CFDP1: variants seen among roughly 807,000 people sequenced by gnomAD.
CFDP1 encodes heterochromatin-stabilizing protein CFDP1.
A neutral mutation model predicts 40.1 loss-of-function variants in CFDP1; 31 were observed. That is an observed-to-expected ratio of 0.77 (90% confidence interval 0.58 to 1.04). The LOEUF (loss-of-function observed/expected upper bound fraction) is 1.04, where lower values mean the gene tolerates loss of function less well. Among genes scored for constraint, CFDP1 ranks in the 50% least tolerant of loss-of-function variants. The pLI is 0.00. For missense variants in CFDP1, 423 were observed against 343.4 expected (o/e 1.23, Z -1.83); for synonymous variants, 167 against 120.0 (o/e 1.39, Z -2.56).
At chr16:75,346,835 A>C (rs1454305105) in intron 5 of CFDP1, among the ~76,000 whole-genome samples, 1 of 151,958 alleles carries the variant, frequency 6.6e-6, no homozygotes, top group African/African-American at 2.4e-5. Context: ...TGCCTAATCA[A>C]AACTCGAAAA....
intron 5 of CFDP1, among the ~76,000 whole-genome samples, chr16:75,311,752 T>C (rs1055176023): frequency 1.3e-5 from 2 of 149,616 alleles, no homozygotes; most frequent in African/African-American, 4.9e-5. Context: ...GCTTACAATG[T>C]AGGAATGGAC....
intron 5 of CFDP1, among the ~76,000 whole-genome samples, chr16:75,371,459 G>T (rs2078750783): frequency 6.6e-6 from 1 of 152,098 alleles, no homozygotes; most frequent in Non-Finnish European, 1.5e-5. Flanking sequence ...AATGGGGGGC[G>T]AGGTTAAAAA....
At chr16:75,333,485 G>C (rs887239020) in intron 5 of CFDP1, among the ~76,000 whole-genome samples, 7 of 152,074 alleles carry the variant, frequency 4.6e-5, no homozygotes, top group African/African-American at 1.7e-4. Flanking sequence ...TGGCTACTAA[G>C]TCAACAAAAA....
At chr16:75,383,024 T>C (rs574478973) in intron 5 of CFDP1, among the ~76,000 whole-genome samples, 15 of 152,384 alleles carry the variant, frequency 9.8e-5, no homozygotes, top group African/African-American at 3.6e-4. Flanking sequence ...TTATGTTTTA[T>C]GGTCTTAAGC....
intron 5 of CFDP1, among the ~76,000 whole-genome samples, chr16:75,335,074 C>T (rs1243080168): frequency 1.3e-5 from 2 of 152,090 alleles, no homozygotes; most frequent in Non-Finnish European, 2.9e-5. Flanking sequence ...GCTCATGTAC[C>T]CCTAAAATTA....
chr16:75,342,505 G>A (rs1488585290), intron 5 of CFDP1, among the ~76,000 whole-genome samples: 2 of 152,160 alleles, frequency 1.3e-5, no homozygotes, highest in Non-Finnish European at 2.9e-5. Flanking sequence ...AACAAAAGGG[G>A]CAGGTAGTAA....
intron 5 of CFDP1, among the ~76,000 whole-genome samples, chr16:75,317,349 C>T (rs759429655): frequency 2.0e-5 from 3 of 152,240 alleles, no homozygotes; most frequent in Non-Finnish European, 2.9e-5. Context: ...CTTCCCGCCT[C>T]TGCTCTAGCA....
At chr16:75,305,311 G>T in intron 5 of CFDP1, 129 bp from the exon 6 acceptor site, 2 of 907,638 alleles carry the variant, frequency 2.2e-6, no homozygotes, top group Non-Finnish European at 1.6e-6. Flanking sequence ...GTTCATATTT[G>T]GGGCATTTCC....
chr16:75,295,477 C>T (rs1218191109), intron 6 of CFDP1, among the ~76,000 whole-genome samples: 7 of 152,220 alleles, frequency 4.6e-5, no homozygotes, highest in Admixed American at 3.3e-4. Context: ...TCACACAGGG[C>T]ACAGAGCAGG....
In CFDP1 at chr16:75,328,418, C is replaced by T. The variant is rs1356319341; in HGVS notation, c.651-23236G>A. Among the ~76,000 whole-genome samples, 3 of 143,430 alleles carry T rather than the reference C, an allele frequency of 2.1e-5. No individual in the cohort carries two copies. The East Asian group carries it at 6.4e-4, about 31-fold the overall frequency. The allele number at this position is 143,430 out of a possible 152,430, so 94.1% of individuals were successfully genotyped here. ...TGGCCAACATGGTGAAACCCCGTCTCATCGAAAAATACAAAAAAAAAAGAA... is the reference window on the plus strand; with the variant it reads ...TGGCCAACATGGTGAAACCCCGTCTTATCGAAAAATACAAAAAAAAAAGAA... On this transcript the variant is annotated intron_variant, in intron 5 of 6. Coordinates refer to ENST00000283882, the MANE Select transcript of CFDP1 (RefSeq NM_006324.3).
intron 6 of CFDP1, among the ~76,000 whole-genome samples, chr16:75,298,562 G>C (rs1398092264): frequency 6.6e-6 from 1 of 152,240 alleles, no homozygotes; most frequent in African/African-American, 2.4e-5. Flanking sequence ...GTGGGTAAAT[G>C]CATTTTCCAA....
chr16:75,422,105 C>T (rs980834803), intron 1 of CFDP1, among the ~76,000 whole-genome samples: 1 of 151,902 alleles, frequency 6.6e-6, no homozygotes, highest in Non-Finnish European at 1.5e-5. Flanking sequence ...CTCTCTCTCT[C>T]TTTTTTTTGA....
intron 5 of CFDP1, among the ~76,000 whole-genome samples, chr16:75,350,756 A>G (rs1347861836): frequency 6.6e-6 from 1 of 152,200 alleles, no homozygotes; most frequent in Non-Finnish European, 1.5e-5. Flanking sequence ...TCCGAAAACA[A>G]AATAAATGAG....
At chr16:75,406,690 A>G (rs2079102708) in intron 4 of CFDP1, 1 of 151,808 alleles carries the variant, frequency 6.6e-6, no homozygotes, top group Non-Finnish European at 1.5e-5. Flanking sequence ...TGATAGAGCG[A>G]GACTCCAACT....
chr16:75,328,962 TCGGCCTCC>T (rs1282412402), intron 5 of CFDP1, among the ~76,000 whole-genome samples: 3 of 151,660 alleles, frequency 2.0e-5, no homozygotes, highest in Non-Finnish European at 4.4e-5. Flanking sequence ...TTCTCCTGCC[TCGGCCTCC>T]CGAGCAGCTG....
At chr16:75,354,462 G>C (rs1003384955) in intron 5 of CFDP1, among the ~76,000 whole-genome samples, 1 of 152,106 alleles carries the variant, frequency 6.6e-6, no homozygotes, top group Admixed American at 6.6e-5. Context: ...AAAGTCATAT[G>C]AGCATGAGGT....
intron 5 of CFDP1, among the ~76,000 whole-genome samples, chr16:75,346,698 G>A (rs1597345248): frequency 1.6e-5 from 2 of 124,008 alleles, no homozygotes; most frequent in African/African-American, 3.1e-5. Flanking sequence ...GATTTTCCAA[G>A]ATAGCTCTAA....
chr16:75,302,956 G>C (rs1278886052), intron 6 of CFDP1, among the ~76,000 whole-genome samples: 1 of 152,204 alleles, frequency 6.6e-6, no homozygotes, highest in African/African-American at 2.4e-5. Context: ...AGAACTTTGG[G>C]AGGCCGAGGC....
At chr16:75,379,230 A>G (rs2078831515) in intron 5 of CFDP1, among the ~76,000 whole-genome samples, 1 of 151,904 alleles carries the variant, frequency 6.6e-6, no homozygotes, top group African/African-American at 2.4e-5. Context: ...CAAGGAAATA[A>G]TTATAGAAGT....
Sources: allele counts gnomAD v4.1 joint callset (sites outside exome capture counted in the v4.1 genomes callset), GRCh38; gene constraint gnomAD v4.1.1; transcripts MANE v1.5; gene names NCBI Gene and HGNC (gene_info 2026-07-23, HGNC 2026-07-21).